ANO4: variants seen among roughly 807,000 people sequenced by gnomAD.
ANO4 encodes anoctamin-4.
ANO4 carries 69 observed loss-of-function variants against 141.9 expected under a neutral mutation model. The observed-to-expected ratio is 0.49, with a 90% CI of 0.40 to 0.59. ANO4 has a LOEUF of 0.59. ANO4 is among the 20% of genes least tolerant of loss of function. ANO4 has a pLI of 0.00. For synonymous variants in ANO4, 350 were observed against 394.3 expected (o/e 0.89, Z 1.33); for missense variants, 894 against 1,162.2 (o/e 0.77, Z 3.36).
chr12:100,738,804 G>A (rs2031723859), intron 2 of ANO4, among the ~76,000 whole-genome samples: 1 of 151,702 alleles, frequency 6.6e-6, no homozygotes, highest in Non-Finnish European at 1.5e-5. Context: ...TTTAACATGT[G>A]TGTGGTAAGA....
intron 1 of ANO4, among the ~76,000 whole-genome samples, chr12:100,858,152 G>C (rs1457626648): frequency 6.6e-6 from 1 of 152,122 alleles, no homozygotes. Flanking sequence ...GAAATGCATT[G>C]TTAGCTGATT....
intron 1 of ANO4, among the ~76,000 whole-genome samples, chr12:100,845,140 T>A (rs973106967): frequency 8.6e-5 from 13 of 151,870 alleles, no homozygotes; most frequent in Non-Finnish European, 1.8e-4. Flanking sequence ...TAAGCAAAAG[T>A]GTTTTGAGTG....
chr12:101,089,644 A>T (rs557931129), intron 17 of ANO4, among the ~76,000 whole-genome samples: 2 of 152,334 alleles, frequency 1.3e-5, no homozygotes, highest in East Asian at 3.9e-4. Flanking sequence ...CTTAAAATTT[A>T]ATTTATACAT....
chr12:101,028,295 T>C (rs1440230441), intron 9 of ANO4, among the ~76,000 whole-genome samples: 1 of 152,072 alleles, frequency 6.6e-6, no homozygotes, highest in Non-Finnish European at 1.5e-5. Context: ...TTGCAATGAC[T>C]CTCTGGCAAG....
At chr12:100,753,678 G>A (rs2032484029) in intron 3 of ANO4, among the ~76,000 whole-genome samples, 1 of 152,018 alleles carries the variant, frequency 6.6e-6, no homozygotes, top group Non-Finnish European at 1.5e-5. Context: ...CCATTTTTCA[G>A]TTCTTCCTAG....
intron 1 of ANO4, among the ~76,000 whole-genome samples, chr12:100,802,562 T>C (rs1336044896): frequency 6.6e-6 from 1 of 152,142 alleles, no homozygotes; most frequent in Admixed American, 6.5e-5. Context: ...TGAAAGCAAA[T>C]AAATATTGCT....
rs1024123138 is a variant in ANO4, at chr12:100,810,102, T to C, written c.-141+15075T>C. Among the ~76,000 whole-genome samples the C allele has an allele frequency of 2.0e-4, 30 of 151,808 alleles. 1 individual carries two copies. Among genetic ancestry groups the C allele is most frequent in the Non-Finnish European group, 3.7e-4 (25 of 67,974 alleles). On this transcript the variant is annotated intron_variant, in intron 1 of 27. Transcript: ENST00000392977. Reference sequence around the variant, plus strand: ...TAAGTTGATATGTTAAGCAGTGGTATATGATGAAGCAGAATGCAGCAGGAT... The same window carrying C: ...TAAGTTGATATGTTAAGCAGTGGTACATGATGAAGCAGAATGCAGCAGGAT...
At chr12:100,934,383 G>A (rs2136148163) in intron 3 of ANO4, among the ~76,000 whole-genome samples, 1 of 152,228 alleles carries the variant, frequency 6.6e-6, no homozygotes, top group South Asian at 2.1e-4. Flanking sequence ...GTTTTTGTCA[G>A]GTTTGTCAAA....
At chr12:100,906,819 C>T (rs1360231471) in intron 2 of ANO4, among the ~76,000 whole-genome samples, 1 of 152,080 alleles carries the variant, frequency 6.6e-6, no homozygotes, top group African/African-American at 2.4e-5. Flanking sequence ...GGATTTGAGA[C>T]TCAAGAAAGG....
At chr12:100,912,356 C>T (rs2041137162) in intron 2 of ANO4, among the ~76,000 whole-genome samples, 4 of 138,884 alleles carry the variant, frequency 2.9e-5, no homozygotes, top group Admixed American at 2.3e-4. Flanking sequence ...GATCATGCCA[C>T]TGCACTCCAG....
chr12:101,051,816 C>T (rs879896603), intron 14 of ANO4, among the ~76,000 whole-genome samples: 1 of 152,192 alleles, frequency 6.6e-6, no homozygotes, highest in South Asian at 2.1e-4. Flanking sequence ...GTTACCATTT[C>T]CTTCTGTTTT....
In ANO4 at chr12:100,726,632, AG is replaced by A. The variant is rs1316430422; in HGVS notation, c.23-7140del. Among the ~76,000 whole-genome samples, 4 of 152,190 alleles carry A rather than the reference AG, an allele frequency of 2.6e-5. No homozygotes were observed. The East Asian group carries it at 7.7e-4, about 29-fold the overall frequency. ...AATTCTGCATTTCTAATGGACTCTCAGGTGGTGCAGCTGCTGCTGTTCAAGA... is the reference window on the plus strand; with the variant it reads ...AATTCTGCATTTCTAATGGACTCTCAGTGGTGCAGCTGCTGCTGTTCAAGA... On this transcript the variant is annotated intron_variant, in intron 1 of 29. Coordinates refer to the ANO4 transcript ENST00000644049.
At chr12:100,780,002 C>G (rs1172338179) in intron 3 of ANO4, among the ~76,000 whole-genome samples, 2 of 152,060 alleles carry the variant, frequency 1.3e-5, no homozygotes, top group African/African-American at 4.8e-5. Flanking sequence ...AAGCTTTTAA[C>G]TTACAAACTT....
intron 12 of ANO4, among the ~76,000 whole-genome samples, 168 bp downstream of exon 12, chr12:101,042,636 G>C (rs981255475): frequency 5.3e-5 from 8 of 152,122 alleles, no homozygotes; most frequent in African/African-American, 1.9e-4. Flanking sequence ...TCCATCCATT[G>C]TCCTTGCTGC....
At chr12:100,754,446 A>G (rs1262872270) in intron 3 of ANO4, among the ~76,000 whole-genome samples, 1 of 147,006 alleles carries the variant, frequency 6.8e-6, no homozygotes, top group African/African-American at 2.5e-5. Context: ...ACGTGTTGTC[A>G]TTGTCTAAAA....
intron 1 of ANO4, chr12:100,842,125 A>C (rs1207714642): frequency 2.3e-5 from 3 of 130,758 alleles, no homozygotes; most frequent in Non-Finnish European, 4.7e-5. Context: ...TCTGGCTCTG[A>C]GTATCTTTTC....
rs147981300 is a variant in ANO4 at position 101,037,456 on chromosome 12, C to A, written c.897+306C>A. 2.0e-3 allele frequency among the ~76,000 whole-genome samples: 304 copies of A among 152,254 alleles called. 1 individual carries two copies. Among genetic ancestry groups the A allele is most frequent in the African/African-American group, 6.9e-3 (285 of 41,540 alleles). ...AGGCATTGACAATTTGCATGAGGCA[C>A]CAAATCCACAAGAAGAATGTTCTTG... is the stretch of plus-strand genomic sequence containing the variant. On this transcript the variant is annotated intron_variant, in intron 10 of 27. Transcript: ENST00000392977.
At chr12:101,088,704 T>C (rs2136912223) in intron 17 of ANO4, among the ~76,000 whole-genome samples, 1 of 152,156 alleles carries the variant, frequency 6.6e-6, no homozygotes, top group East Asian at 1.9e-4. Flanking sequence ...CTCATGCCTG[T>C]AATCCCAGCA....
chr12:100,783,548 C>T (rs376669061), intron 3 of ANO4, among the ~76,000 whole-genome samples: 1 of 152,108 alleles, frequency 6.6e-6, no homozygotes, highest in East Asian at 1.9e-4. Context: ...TGTTAAAAAT[C>T]CTTATCGGTT....
Sources: allele counts gnomAD v4.1 joint callset (sites outside exome capture counted in the v4.1 genomes callset), GRCh38; gene constraint gnomAD v4.1.1; transcripts MANE v1.5; gene names NCBI Gene and HGNC (gene_info 2026-07-23, HGNC 2026-07-21).